The following POU6F1 variants were observed in gnomAD, a reference collection of about 807,000 sequenced individuals.
POU6F1 encodes POU domain, class 6, transcription factor 1.
In POU6F1, 9 loss-of-function variants were observed where a neutral mutation model predicts 28.9. The ratio of observed to expected loss-of-function variants is 0.31; its 90% CI spans 0.19 to 0.54. The LOEUF is 0.54. Among genes scored for constraint, POU6F1 ranks in the 20% least tolerant of loss-of-function variants. The pLI, the probability that POU6F1 is intolerant of heterozygous loss-of-function variation, is 0.94. For missense variants in POU6F1, 338 were observed against 426.1 expected (o/e 0.79, Z 1.82); for synonymous variants, 173 against 171.1 (o/e 1.01, Z -0.09).
chr12:51,196,123 T>C lies in POU6F1; in HGVS notation c.1026A>G (p.Pro342=). The C allele has an allele frequency of 1.3e-6, 2 of 1,577,268 alleles. No homozygotes were observed. The highest frequency in any genetic ancestry group is 1.7e-6 in the Non-Finnish European group (2 of 1,163,896). Residue 342 remains proline (P), a synonymous_variant, in exon 8 of 11, where the codon CCA becomes CCG. Coordinates refer to ENST00000333640, the MANE Select transcript of POU6F1 (RefSeq NM_001330422.2). ...GGACCTGCAGGCTTTGGGCTGGTGC[T>C]GGGGCCGCCACACTAGCTGAGTTCA... is the stretch of plus-strand genomic sequence containing the variant. ...WVVNSASVAA[P]APAQSLQVQA...
chr12:51,189,176 G>C lies in POU6F1; in HGVS notation c.*1071C>G, dbSNP rs1942236028. The C allele has an allele frequency of 1.3e-5, 2 of 152,144 alleles. No homozygotes were observed. Among genetic ancestry groups the C allele is most frequent in the African/African-American group, 4.8e-5 (2 of 41,436 alleles). The allele number at this position is 152,144 out of a possible 1,614,324, so 9.4% of individuals were successfully genotyped here. On this transcript the variant is annotated 3_prime_UTR_variant, in exon 11 of 11. Transcript: ENST00000333640. ...TAGAGTTAAGTCAACTTCCACAAGAGACCTTCCTGGGCTCCATCATTTATT... is the reference window on the plus strand; with the variant it reads ...TAGAGTTAAGTCAACTTCCACAAGACACCTTCCTGGGCTCCATCATTTATT...
intron 2 of POU6F1, among the ~76,000 whole-genome samples, chr12:51,205,184 T>C (rs1023765885): frequency 6.6e-5 from 10 of 151,668 alleles, no homozygotes; most frequent in African/African-American, 2.2e-4. Flanking sequence ...GGACTACAGG[T>C]GCCCACCACC....
intron 2 of POU6F1, among the ~76,000 whole-genome samples, chr12:51,205,257 G>A (rs1293373629): frequency 6.6e-6 from 1 of 151,732 alleles, no homozygotes; most frequent in Non-Finnish European, 1.5e-5. Flanking sequence ...GGCCAGGATG[G>A]TCTCGATCTC....
rs528450309 is a variant in POU6F1 at position 51,206,149 on chromosome 12, C to T, written c.48+640G>A. 2.8e-3 allele frequency among the ~76,000 whole-genome samples: 401 copies of T among 145,078 alleles called. 3 individuals are homozygous for T. Among genetic ancestry groups the T allele is most frequent in the Non-Finnish European group, 4.9e-3 (327 of 66,304 alleles). On this transcript the variant is annotated intron_variant, in intron 2 of 10. Transcript: ENST00000333640. Reference sequence around the variant, plus strand: ...TTCTCCTTTTAAAAAATGGGCCGGGCGCGGTGGCTCACGCCTGTAATTCCA... The same window carrying T: ...TTCTCCTTTTAAAAAATGGGCCGGGTGCGGTGGCTCACGCCTGTAATTCCA...
intron 1 of POU6F1, among the ~76,000 whole-genome samples, chr12:51,216,490 G>C (rs1944290856): frequency 6.6e-6 from 1 of 152,224 alleles, no homozygotes; most frequent in Admixed American, 6.5e-5. Flanking sequence ...TGTCTGAATT[G>C]TTCAGAGCAT....
intron 1 of POU6F1, among the ~76,000 whole-genome samples, chr12:51,212,944 T>G (rs1242624091): frequency 6.6e-6 from 1 of 150,886 alleles, no homozygotes; most frequent in East Asian, 1.9e-4. Flanking sequence ...ATGCAGTTGT[T>G]TTTTTTTTTC....
chr12:51,194,579 G>A (rs1002112520), intron 8 of POU6F1, among the ~76,000 whole-genome samples: 5 of 150,914 alleles, frequency 3.3e-5, no homozygotes, highest in African/African-American at 7.3e-5. Flanking sequence ...AGCAGAGGTT[G>A]CAGTGAGCCA....
chr12:51,191,539 C>G, intron 10 of POU6F1, 57 bp downstream of exon 10: 3 of 1,572,488 alleles, frequency 1.9e-6, no homozygotes, highest in Non-Finnish European at 2.6e-6. Context: ...CCATGAGTGC[C>G]CGGTGGCACC....
At chr12:51,215,597 G>T (rs888736410) in intron 1 of POU6F1, among the ~76,000 whole-genome samples, 6 of 147,832 alleles carry the variant, frequency 4.1e-5, no homozygotes, top group African/African-American at 1.5e-4. Flanking sequence ...CCAAGGTGTA[G>T]TATTGGGTTC....
At chr12:51,191,818 C>T (rs10747606) in intron 9 of POU6F1, 54 bp from the exon 10 acceptor site, 526,254 of 1,597,070 alleles carry the variant, frequency 0.33, 87,480 homozygotes, top group African/African-American at 0.42. Flanking sequence ...ACCATCCCTG[C>T]TTATCTGGCT....
In POU6F1 at chr12:51,213,320, T is replaced by C. The variant is rs776285463; in HGVS notation, c.-48+4322A>G. Among the ~76,000 whole-genome samples the C allele has an allele frequency of 2.6e-5, 4 of 152,188 alleles. No individual in the cohort carries two copies. The South Asian group carries it at 8.3e-4, about 32-fold the overall frequency. ...TTTTATGTAAAAGAATCTTGTCCTATGTAGGAAAATGGAACTTGTATGGGA... is the reference window on the plus strand; with the variant it reads ...TTTTATGTAAAAGAATCTTGTCCTACGTAGGAAAATGGAACTTGTATGGGA... On this transcript the variant is annotated intron_variant, in intron 1 of 10. Coordinates refer to ENST00000333640, the MANE Select transcript of POU6F1 (RefSeq NM_001330422.2).
intron 1 of POU6F1, among the ~76,000 whole-genome samples, chr12:51,210,055 T>C (rs1943886047): frequency 6.6e-6 from 1 of 152,148 alleles, no homozygotes; most frequent in Non-Finnish European, 1.5e-5. Flanking sequence ...ACTCCCAGCC[T>C]CAAGTGATCC....
At position 51,199,172 on chromosome 12, in the gene POU6F1, TAATGGAACCAAGTGGTCAAGGCCCC is replaced by T. The variant is rs1943042582; in HGVS notation, c.367-422_367-398del. On this transcript the variant is annotated intron_variant, in intron 4 of 10. Transcript: ENST00000333640. This position sits in a 1 kb window ranked among gnomAD's most constrained non-coding sequence, Gnocchi z 4.1. ...CAAGTGGTCAAGGCCCCGCAGAGGCTAATGGAACCAAGTGGTCAAGGCCCCGCAGAGGCTAATGGAACCAAGTGGT... is the reference window on the plus strand; with the variant it reads ...CAAGTGGTCAAGGCCCCGCAGAGGCTGCAGAGGCTAATGGAACCAAGTGGT... 5.8e-3 allele frequency among the ~76,000 whole-genome samples: 4 copies of T among 686 alleles called. No homozygotes were observed. Among genetic ancestry groups the T allele is most frequent in the African/African-American group, 0.016 (3 of 188 alleles). The allele number at this position is 686 out of a possible 152,430, so 0.5% of individuals were successfully genotyped here. A position where few individuals can be genotyped will look rare whatever the true frequency, so the allele number is the denominator to read the frequency against.
chr12:51,195,407 C>T (rs1281466973), intron 8 of POU6F1, among the ~76,000 whole-genome samples: 1 of 152,166 alleles, frequency 6.6e-6, no homozygotes, highest in Non-Finnish European at 1.5e-5. Context: ...ATTTGTGTGT[C>T]CCTGTGATAG....
intron 1 of POU6F1, among the ~76,000 whole-genome samples, chr12:51,212,057 C>T (rs541947927): frequency 9.0e-5 from 13 of 144,910 alleles, no homozygotes; most frequent in African/African-American, 3.3e-4. Flanking sequence ...AATGCCTTGC[C>T]TTTCGTTTTT....
At chr12:51,211,750 C>T (rs183237259) in intron 1 of POU6F1, among the ~76,000 whole-genome samples, 4 of 152,136 alleles carry the variant, frequency 2.6e-5, no homozygotes, top group Admixed American at 2.0e-4. Context: ...AGAGCAAGAC[C>T]TTGTCCCTAA....
chr12:51,213,954 C>A (rs992335981), intron 1 of POU6F1, among the ~76,000 whole-genome samples: 1 of 151,738 alleles, frequency 6.6e-6, no homozygotes, highest in African/African-American at 2.4e-5. Context: ...ACCAGCCTGG[C>A]CAACATGGGG....
chr12:51,197,725 AT>A, intron 6 of POU6F1, 44 bp downstream of exon 6: 1 of 398,762 alleles, frequency 2.5e-6, no homozygotes, highest in Non-Finnish European at 4.4e-6. Context: ...TTGGCCCATG[AT>A]TCCGTCCATC....
At chr12:51,198,276 C>G in intron 5 of POU6F1, 2 of 396,202 alleles carry the variant, frequency 5.0e-6, no homozygotes, top group Non-Finnish European at 8.9e-6. Flanking sequence ...CCCAGGAGGC[C>G]GGTCATGGGG....
Sources: gnomAD v4.1 joint callset for allele counts (sites outside exome capture counted in the v4.1 genomes callset) on GRCh38, gnomAD v4.1.1 for gene constraint, Gnocchi (gnomAD v3.1) non-coding constraint, MANE v1.5 for transcripts, NCBI Gene and HGNC (gene_info 2026-07-23, HGNC 2026-07-21) for gene names.